Variants in GSK3B observed in about 807,000 individuals in gnomAD.
GSK3B encodes the protein glycogen synthase kinase-3 beta.
GSK3B carries 15 observed loss-of-function variants against 56.4 expected under a neutral mutation model. The observed-to-expected ratio is 0.27, with a 90% CI of 0.18 to 0.41. The LOEUF is 0.41. Ranked by LOEUF, GSK3B falls within the 10% of genes least tolerant of loss-of-function variation. The probability of loss-of-function intolerance (pLI) is 1.00; values close to 1 mark genes in which losing one functional copy is unlikely to be tolerated. For missense variants in GSK3B, 300 were observed against 513.4 expected, an observed-to-expected ratio of 0.58 and a Z score of 4.02; for synonymous variants, 181 against 188.9, an observed-to-expected ratio of 0.96 and a Z score of 0.34.
chr3:120,071,924 C>T (rs1455388058), intron 1 of GSK3B, among the ~76,000 whole-genome samples: 1 of 152,126 alleles, frequency 6.6e-6, no homozygotes, highest in Non-Finnish European at 1.5e-5. Context: ...ATACATGAAA[C>T]ACAGGGCTTA....
intron 1 of GSK3B, among the ~76,000 whole-genome samples, chr3:120,048,764 T>C (rs949145540): frequency 1.3e-5 from 2 of 152,180 alleles, no homozygotes; most frequent in African/African-American, 4.8e-5. Flanking sequence ...ACAGCTAATG[T>C]CATTGGTAAC....
chr3:119,865,230 T>G, intron 8 of GSK3B, among the ~76,000 whole-genome samples: 1 of 151,938 alleles, frequency 6.6e-6, no homozygotes, highest in East Asian at 1.9e-4. Context: ...GGATTTATTT[T>G]GCTAGCTAAT....
chr3:119,910,722 A>G (rs956695447), intron 6 of GSK3B, among the ~76,000 whole-genome samples: 1 of 152,172 alleles, frequency 6.6e-6, no homozygotes, highest in Admixed American at 6.5e-5. Context: ...CCACATTAGA[A>G]CCACTTTCAA....
At chr3:120,054,915 T>A (rs2058180642) in intron 1 of GSK3B, among the ~76,000 whole-genome samples, 1 of 152,214 alleles carries the variant, frequency 6.6e-6, no homozygotes, top group Admixed American at 6.5e-5. Flanking sequence ...CTGGTATCCA[T>A]CTGGTCTTCC....
At position 119,981,985 on chromosome 3, in the gene GSK3B, G is replaced by A. The variant is rs181249285; in HGVS notation, c.282+20061C>T. ...ATATAGGCAGCTGCCCCGCTGTGAC[G>A]AAGCTTCCAGAGGAAGATCAGGCAG... On this transcript the variant is annotated intron_variant, in intron 2 of 10. Transcript: ENST00000264235. 8.5e-5 allele frequency among the ~76,000 whole-genome samples: 13 copies of A among 152,312 alleles called. No homozygotes were observed. In the East Asian group the frequency reaches 1.4e-3, roughly 16 times the overall value.
chr3:119,872,095 C>G (rs924625254), intron 8 of GSK3B, among the ~76,000 whole-genome samples: 1 of 152,074 alleles, frequency 6.6e-6, no homozygotes. Context: ...GCACCTCATA[C>G]ACCTACTATG....
intron 1 of GSK3B, among the ~76,000 whole-genome samples, chr3:120,065,792 T>C (rs754337503): frequency 1.3e-5 from 2 of 152,224 alleles, no homozygotes; most frequent in East Asian, 1.9e-4. Flanking sequence ...GAAGTACTGA[T>C]ACATGCTAAA....
At chr3:120,052,329 T>C (rs1032743007) in intron 1 of GSK3B, among the ~76,000 whole-genome samples, 5 of 152,292 alleles carry the variant, frequency 3.3e-5, no homozygotes, top group East Asian at 1.9e-4. Context: ...AAGGTGAAAA[T>C]AGGCTTTCTC....
chr3:119,838,295 A>G (rs2055723747), intron 10 of GSK3B, among the ~76,000 whole-genome samples: 1 of 152,156 alleles, frequency 6.6e-6, no homozygotes, highest in Non-Finnish European at 1.5e-5. Context: ...AAAAAAAGAA[A>G]CAAAGAAATT....
chr3:119,830,171 T>C (rs751361844), intron 10 of GSK3B, among the ~76,000 whole-genome samples: 20 of 152,046 alleles, frequency 1.3e-4, no homozygotes, highest in Non-Finnish European at 2.4e-4. Context: ...ATCTCTACAA[T>C]CCCATCATAA....
chr3:120,000,451 A>C (rs1399109102), intron 2 of GSK3B, among the ~76,000 whole-genome samples: 3 of 152,192 alleles, frequency 2.0e-5, no homozygotes, highest in African/African-American at 7.2e-5. Flanking sequence ...ATTCTTTAGA[A>C]TGTTCCAGAT....
intron 6 of GSK3B, 61 bp from the exon 7 acceptor site, chr3:119,905,913 G>T: frequency 1.1e-6 from 1 of 927,114 alleles, no homozygotes; most frequent in Non-Finnish European, 1.8e-6. Flanking sequence ...AAAAGTGTTT[G>T]TATACGTTTT....
At position 120,089,250 on chromosome 3, in the gene GSK3B, T is replaced by G. The variant is rs561710741; in HGVS notation, c.88+4097A>C. On this transcript the variant is annotated intron_variant, in intron 1 of 10. Transcript: ENST00000264235. ...CCTTTTGCCTGTGACTTACTGTCAC[T>G]TCACAATTAGCATTCTACAGGTGCA... Among the ~76,000 whole-genome samples, 3 of 152,346 alleles carry G rather than the reference T, an allele frequency of 2.0e-5. No homozygotes were observed. In the East Asian group the frequency reaches 5.8e-4, roughly 29 times the overall value.
At chr3:120,020,102 AC>A (rs1238202230) in intron 1 of GSK3B, among the ~76,000 whole-genome samples, 1 of 152,240 alleles carries the variant, frequency 6.6e-6, no homozygotes, top group Non-Finnish European at 1.5e-5. Context: ...TACAATTTTA[AC>A]TGTTGCGAAG....
chr3:120,022,191 T>C (rs2057884624), intron 1 of GSK3B, among the ~76,000 whole-genome samples: 1 of 152,172 alleles, frequency 6.6e-6, no homozygotes, highest in Non-Finnish European at 1.5e-5. Flanking sequence ...ACCACCCTAA[T>C]CAGTCAATAG....
At chr3:120,010,490 T>C (rs2057769166) in intron 1 of GSK3B, among the ~76,000 whole-genome samples, 1 of 152,190 alleles carries the variant, frequency 6.6e-6, no homozygotes, top group South Asian at 2.1e-4. Context: ...ATAAAAAGCA[T>C]ACGTTATTTC....
intron 1 of GSK3B, among the ~76,000 whole-genome samples, chr3:120,038,312 C>A (rs2058038537): frequency 6.6e-6 from 1 of 152,194 alleles, no homozygotes; most frequent in African/African-American, 2.4e-5. Context: ...TGCCTGTAAT[C>A]CCAGTGCTTT....
chr3:119,929,630 T>C (rs972498855), intron 3 of GSK3B, among the ~76,000 whole-genome samples: 2 of 151,898 alleles, frequency 1.3e-5, no homozygotes, highest in Non-Finnish European at 1.5e-5. Flanking sequence ...TGGCCAGGCA[T>C]GGTGGCTCAC....
chr3:119,912,666 T>C (rs911998533), intron 6 of GSK3B, 38 bp downstream of exon 6: 5 of 893,654 alleles, frequency 5.6e-6, no homozygotes, highest in Admixed American at 4.0e-5. Flanking sequence ...CAAGAAGCAA[T>C]TAATAATTAT....
Sources: gnomAD v4.1 joint callset for allele counts (sites outside exome capture counted in the v4.1 genomes callset) on GRCh38, gnomAD v4.1.1 for gene constraint, MANE v1.5 for transcripts, NCBI Gene and HGNC (gene_info 2026-07-23, HGNC 2026-07-21) for gene names.